Variants in C6orf118 observed in about 807,000 individuals in gnomAD.
C6orf118 encodes the protein chromosome 6 open reading frame 118.
Under a neutral mutation model 50.2 loss-of-function variants are expected in C6orf118, and 50 were observed. The ratio of observed to expected loss-of-function variants is 1.00; its 90% CI spans 0.79 to 1.26. The LOEUF is 1.26. C6orf118 is among the 50% of genes most tolerant of loss of function. The probability of loss-of-function intolerance (pLI) is 0.00; values close to 1 mark genes in which losing one functional copy is unlikely to be tolerated. For synonymous variants in C6orf118, 239 were observed against 230.9 expected, an observed-to-expected ratio of 1.03 and a Z score of -0.32; for missense variants, 641 against 578.7, an observed-to-expected ratio of 1.11 and a Z score of -1.10.
In C6orf118 at chr6:165,302,214, C is replaced by G. The variant is rs762729218; in HGVS notation, c.108G>C (p.Lys36Asn). ...GAAGTTTCTTCAGATTACACAGGGT[C>G]TTCACTCCTGGCGTCTCGCAGTGCT... Reference protein sequence around the residue: ...NLKHCETPGVKTLCNLKKLLN... With the variant: ...NLKHCETPGVNTLCNLKKLLN... Residue 36 changes from lysine (K) to asparagine (N), a missense_variant, in exon 2 of 9, where the codon AAG becomes AAC. By Grantham distance (94) the Lys-to-Asn change is moderately conservative. Coordinates refer to ENST00000230301, the MANE Select transcript of C6orf118 (RefSeq NM_144980.4). 1.2e-5 allele frequency: 20 copies of G among 1,612,636 alleles called. No individual in the cohort carries two copies. Among genetic ancestry groups the G allele is most frequent in the Non-Finnish European group, 1.7e-5 (20 of 1,179,092 alleles).
chr6:165,309,383 A>T (rs1420372524), intron 1 of C6orf118, among the ~76,000 whole-genome samples, 179 bp downstream of exon 1: 1 of 152,188 alleles, frequency 6.6e-6, no homozygotes, highest in Non-Finnish European at 1.5e-5. Flanking sequence ...CTGGTTTCAG[A>T]TTCTCTGAGG....
At chr6:165,294,149 G>A (rs1780204735) in intron 5 of C6orf118, among the ~76,000 whole-genome samples, 1 of 151,662 alleles carries the variant, frequency 6.6e-6, no homozygotes, top group Admixed American at 6.6e-5. Context: ...GGGAGGCTGA[G>A]GCAGGAGAAT....
chr6:165,284,789 A>G (rs1013627709), intron 7 of C6orf118, among the ~76,000 whole-genome samples: 3 of 152,228 alleles, frequency 2.0e-5, no homozygotes, highest in African/African-American at 7.2e-5. Context: ...GGAATTTGTC[A>G]CCACTAGGCC....
chr6:165,299,753 A>T (rs879571835), intron 3 of C6orf118, among the ~76,000 whole-genome samples: 16 of 152,170 alleles, frequency 1.1e-4, no homozygotes, highest in Non-Finnish European at 2.2e-4. Context: ...ATAAAATATA[A>T]AATATTGAGG....
intron 7 of C6orf118, 36 bp downstream of exon 7, chr6:165,289,850 G>T: frequency 1.4e-6 from 2 of 1,437,152 alleles, no homozygotes; most frequent in South Asian, 2.8e-5. Flanking sequence ...TCAAGCAAAA[G>T]AATAATGTAA....
intron 2 of C6orf118, among the ~76,000 whole-genome samples, chr6:165,301,165 A>G (rs1780514838): frequency 6.6e-6 from 1 of 151,990 alleles, no homozygotes; most frequent in Non-Finnish European, 1.5e-5. Context: ...GAAGGTGCTA[A>G]TGCTCTCGGC....
chr6:165,296,441 T>C (rs1260169908), intron 5 of C6orf118, among the ~76,000 whole-genome samples: 1 of 151,952 alleles, frequency 6.6e-6, no homozygotes, highest in African/African-American at 2.4e-5. Flanking sequence ...GATCACCCAC[T>C]ATGAGACAGC....
Position 165,280,030 on chromosome 6 carries a change from C to T in C6orf118, c.*27G>A, listed in dbSNP as rs1197033375. The stretch of plus-strand genomic sequence containing the variant: ...CATACATGGAAGTTAAGAATTTCCA[C>T]TGGCCATTTGTTCAGCCACTTGAGC... On this transcript the variant is annotated 3_prime_UTR_variant, in exon 9 of 9. Coordinates refer to ENST00000230301, the MANE Select transcript of C6orf118 (RefSeq NM_144980.4). 1.4e-5 allele frequency: 22 copies of T among 1,590,692 alleles called. No individual in the cohort carries two copies. The highest frequency in any genetic ancestry group is 1.9e-5 in the Non-Finnish European group (22 of 1,173,782).
At chr6:165,294,318 AAAC>A (rs1185341984) in intron 5 of C6orf118, among the ~76,000 whole-genome samples, 1 of 151,964 alleles carries the variant, frequency 6.6e-6, no homozygotes, top group African/African-American at 2.4e-5. Flanking sequence ...AAACTTTAAA[AAAC>A]AGAAAAAAAC....
chr6:165,299,559 T>A lies in C6orf118; in HGVS notation c.877-57A>T, dbSNP rs1429075197. The A allele has an allele frequency of 1.1e-5, 14 of 1,287,662 alleles. No homozygotes were observed. The African/African-American group carries it at 2.1e-4, about 19-fold the overall frequency. 79.8% of individuals were successfully genotyped at this position (1,287,662 alleles called of 1,614,324 possible). On this transcript the variant is annotated intron_variant, in intron 3 of 8. Coordinates refer to ENST00000230301, the MANE Select transcript of C6orf118 (RefSeq NM_144980.4). ...ATGTATGAGGAGGCCACAGTGCAGGTGTTTCACGTGTATAAATAATACGGA... is the reference window on the plus strand; with the variant it reads ...ATGTATGAGGAGGCCACAGTGCAGGAGTTTCACGTGTATAAATAATACGGA...
chr6:165,292,291 C>A (rs1486197329), intron 6 of C6orf118, among the ~76,000 whole-genome samples: 2 of 152,082 alleles, frequency 1.3e-5, no homozygotes, highest in Non-Finnish European at 2.9e-5. Context: ...ATTGGAGGAG[C>A]AGGCTCCTGA....
chr6:165,303,456 GA>G (rs1364876322), intron 1 of C6orf118, among the ~76,000 whole-genome samples: 4 of 147,682 alleles, frequency 2.7e-5, no homozygotes, highest in African/African-American at 1.0e-4. Context: ...CAGAAGGCAA[GA>G]AATAACTAAA....
chr6:165,309,397 C>T (rs1246316905), intron 1 of C6orf118, among the ~76,000 whole-genome samples, 165 bp downstream of exon 1: 1 of 152,252 alleles, frequency 6.6e-6, no homozygotes, highest in Non-Finnish European at 1.5e-5. Context: ...TCTGAGGAGG[C>T]AGCACAACCC....
chr6:165,307,501 T>G (rs1409047223), intron 1 of C6orf118, among the ~76,000 whole-genome samples: 1 of 150,740 alleles, frequency 6.6e-6, no homozygotes, highest in Non-Finnish European at 1.5e-5. Context: ...GAGGTTGCAG[T>G]GAGTCGAGAT....
Position 165,301,901 on chromosome 6 carries a change from T to C in C6orf118, c.421A>G (p.Thr141Ala), listed in dbSNP as rs1206202985. Residue 141 changes from threonine (T) to alanine (A), a missense_variant, in exon 2 of 9, where the codon ACT becomes GCT. Physicochemically the swap from Thr to Ala is moderately conservative, Grantham distance 58 (BLOSUM62 0). Transcript: ENST00000230301. ...YLNPQASLSH[T>A]SEEDFLPVEA... Reference sequence around the variant, plus strand: ...ACTGGAAGGAAATCCTCCTCTGAAGTGTGGGAAAGAGAGGCCTGGGGGTTC... The same window carrying C: ...ACTGGAAGGAAATCCTCCTCTGAAGCGTGGGAAAGAGAGGCCTGGGGGTTC... 1.2e-6 allele frequency: 2 copies of C among 1,613,620 alleles called. No homozygotes were observed. Among genetic ancestry groups the C allele is most frequent in the Admixed American group, 1.7e-5 (1 of 60,014 alleles).
rs1054831688 is a variant in C6orf118, at chr6:165,302,104, G to A, written c.218C>T (p.Pro73Leu). 23 of 1,613,760 alleles carry A rather than the reference G, an allele frequency of 1.4e-5. No homozygotes were observed. Among genetic ancestry groups the A allele is most frequent in the Middle Eastern group, 1.6e-4 (1 of 6,084 alleles). ...HLNPNKLYQP[P>L]ETILQHWPNA... The stretch of plus-strand genomic sequence containing the variant: ...GGGCCAGTGCTGTAAGATCGTCTCC[G>A]GAGGCTGGTAGAGCTTGTTGGGGTT... Residue 73 changes from proline (P) to leucine (L), a missense_variant, in exon 2 of 9, where the codon CCG becomes CTG. By Grantham distance (98) the Pro-to-Leu change is moderately conservative. Transcript: ENST00000230301.
chr6:165,287,360 T>C (rs576224565), intron 7 of C6orf118, among the ~76,000 whole-genome samples: 11 of 152,104 alleles, frequency 7.2e-5, no homozygotes, highest in Non-Finnish European at 1.6e-4. Context: ...CTTCCCAAAG[T>C]AGCTTATACA....
Position 165,281,654 on chromosome 6 carries a change from T to A in C6orf118, c.1342A>T (p.Lys448Ter). 1.3e-6 allele frequency: 2 copies of A among 1,498,170 alleles called. No homozygotes were observed. The highest frequency in any genetic ancestry group is 1.8e-6 in the Non-Finnish European group (2 of 1,119,164). 92.8% of individuals were successfully genotyped at this position (1,498,170 alleles called of 1,614,324 possible). A position where few individuals can be genotyped will look rare whatever the true frequency, so the allele number is the denominator to read the frequency against. The change falls in exon 8 of 9, where the codon AAG (lysine) becomes TAG (stop). Residue 448 changes from lysine (K) to a stop codon, truncating the protein, a stop_gained. Coordinates refer to ENST00000230301, the MANE Select transcript of C6orf118 (RefSeq NM_144980.4). LOFTEE classifies it low-confidence loss of function (END_TRUNC). ...IQLETENMIL[K>*]KKIKGPLEIY... is the part of the protein sequence containing the mutation. ...AAAAAACTTACTTTTATTTTCTTCT[T>A]TAAAATCATATTTTCTGTTTCCAAT...
chr6:165,302,832 C>T (rs1244156762), intron 1 of C6orf118, among the ~76,000 whole-genome samples: 2 of 152,162 alleles, frequency 1.3e-5, no homozygotes, highest in African/African-American at 4.8e-5. Context: ...GGCTTTTGAA[C>T]CACAGTTGCC....
Sources: gnomAD v4.1 joint callset for allele counts (sites outside exome capture counted in the v4.1 genomes callset) on GRCh38, gnomAD v4.1.1 for gene constraint, MANE v1.5 for transcripts, NCBI Gene and HGNC (gene_info 2026-07-23, HGNC 2026-07-21) for gene names.